Variants in RIC8A observed in about 807,000 individuals in gnomAD.
The protein encoded by RIC8A is chaperone Ric-8A.
A neutral mutation model predicts 48.4 loss-of-function variants in RIC8A; 37 were observed. That is an observed-to-expected ratio of 0.77 (90% CI 0.59 to 1.01). The LOEUF is 1.01. Ranked by LOEUF, RIC8A falls within the 50% of genes least tolerant of loss-of-function variation. The pLI is 0.00. For missense variants in RIC8A, 681 were observed against 696.8 expected (o/e 0.98, Z 0.25); for synonymous variants, 288 against 283.4 (o/e 1.02, Z -0.16).
chr11:211,074 C>A lies in RIC8A; in HGVS notation c.819-125C>A. 1 of 1,061,772 alleles carries A rather than the reference C, an allele frequency of 9.4e-7. No individual in the cohort carries two copies. The highest frequency in any genetic ancestry group is 1.4e-6 in the Non-Finnish European group (1 of 731,050). 65.8% of individuals were successfully genotyped at this position (1,061,772 alleles called of 1,614,324 possible). On this transcript the variant is annotated intron_variant, in intron 4 of 9. Transcript: ENST00000526104. The surrounding 1 kb of genome is among the most constrained non-coding windows in gnomAD (Gnocchi z 4.0). ...TCAGTCCCTGCCCTTGGCTTTGGTC[C>A]CTAGCGCTGCCCCTTTGGGACTCAG...
chr11:210,715 C>T (rs1023185665), intron 4 of RIC8A, 53 bp downstream of exon 4: 11 of 1,543,552 alleles, frequency 7.1e-6, no homozygotes, highest in Middle Eastern at 3.5e-4. Context: ...TCTAGATGGT[C>T]GTCCTCAACC....
rs1855238584 is a variant in RIC8A at position 208,329 on chromosome 11, C to A, written c.-526C>A. 6.5e-6 allele frequency: 1 copy of A among 152,928 alleles called. No homozygotes were observed. The highest frequency in any genetic ancestry group is 6.5e-5 in the Admixed American group (1 of 15,286). The allele number at this position is 152,928 out of a possible 1,614,324, so 9.5% of individuals were successfully genotyped here. On this transcript the variant is annotated 5_prime_UTR_variant, in exon 1 of 10. Coordinates refer to ENST00000526104, the MANE Select transcript of RIC8A (RefSeq NM_001286134.2). The surrounding 1 kb of genome is among the most constrained non-coding windows in gnomAD (Gnocchi z 4.8). ...GCACAGCCCTGTGACCGCCTCGTGT[C>A]CTTTTGTTTTTCCTTGTCCCCCTTC...
Position 211,216 on chromosome 11 carries a change from T to G in RIC8A, c.836T>G (p.Leu279Arg), listed in dbSNP as rs777907934. The change falls in exon 5 of 10, where the codon CTG (leucine) becomes CGG (arginine). Residue 279 changes from leucine (L) to arginine (R), a missense_variant. Transcript: ENST00000526104. This position sits in a 1 kb window ranked among gnomAD's most constrained non-coding sequence, Gnocchi z 4.0. Reference sequence around the variant, plus strand: ...GTCCCCAGCCACGCAGTGAACCTCCTGGGGAACTTGCCCCTCAAGTGTCTG... The same window carrying G: ...GTCCCCAGCCACGCAGTGAACCTCCGGGGGAACTTGCCCCTCAAGTGTCTG... ...EEFHGHAVNL[L>R]GNLPLKCLDV... 1 of 1,613,726 alleles carries G rather than the reference T, an allele frequency of 6.2e-7. No homozygotes were observed. The highest frequency in any genetic ancestry group is 8.5e-7 in the Non-Finnish European group (1 of 1,179,810).
Position 213,322 on chromosome 11 carries a change from TGGA to T in RIC8A, c.1384_1386del (p.Glu462del), listed in dbSNP as rs1192998346. Reference sequence around the variant, plus strand: ...AGCATAAACCCTGTGACCGGGAGGGTGGAGGAGAAGCCGCCTAACCCTATGGAG... The same window carrying T: ...AGCATAAACCCTGTGACCGGGAGGGTGGAGAAGCCGCCTAACCCTATGGAG... On this transcript the variant is annotated inframe_deletion, in exon 9 of 10. Coordinates refer to ENST00000526104, the MANE Select transcript of RIC8A (RefSeq NM_001286134.2). The T allele has an allele frequency of 3.1e-6, 5 of 1,613,362 alleles. No homozygotes were observed. Among genetic ancestry groups the T allele is most frequent in the Admixed American group, 1.7e-5 (1 of 59,934 alleles).
chr11:208,837 C>T lies in RIC8A; in HGVS notation c.-18C>T. ...GGAACGGCTGAGGAAGGGCCCGTCC[C>T]GCCTTCCCCGGCGCGCCATGGAGCC... On this transcript the variant is annotated 5_prime_UTR_variant, in exon 1 of 10. Transcript: ENST00000526104. The surrounding 1 kb of genome is among the most constrained non-coding windows in gnomAD (Gnocchi z 4.8). The T allele has an allele frequency of 6.2e-7, 1 of 1,601,742 alleles. No individual in the cohort carries two copies. The highest frequency in any genetic ancestry group is 8.5e-7 in the Non-Finnish European group (1 of 1,174,452).
chr11:213,693 C>T lies in RIC8A; in HGVS notation c.1475+275C>T, dbSNP rs982979398. The stretch of plus-strand genomic sequence containing the variant: ...GGCGTGGTAGCTCACGCCTATAATC[C>T]CAGCACTTTGGGAGACTGAGGCAGG... On this transcript the variant is annotated intron_variant, in intron 9 of 9. Transcript: ENST00000526104. The T allele has an allele frequency of 6.8e-5, 22 of 324,008 alleles. 2 individuals are homozygous for T. The South Asian group carries it at 7.5e-4, about 11-fold the overall frequency. The allele number at this position is 324,008 out of a possible 1,614,324, so 20.1% of individuals were successfully genotyped here.
intron 9 of RIC8A, among the ~76,000 whole-genome samples, chr11:213,945 CA>C (rs945541337): frequency 7.3e-4 from 99 of 136,008 alleles, no homozygotes; most frequent in Admixed American, 6.6e-4. Context: ...GACTTCGTCT[CA>C]AAAAAAAAAA....
At chr11:213,015 TCA>T in intron 8 of RIC8A, 34 bp downstream of exon 8, 1 of 1,527,154 alleles carries the variant, frequency 6.5e-7, no homozygotes. Flanking sequence ...GGGTCTCCAC[TCA>T]CAGCCCCATA....
Position 209,309 on chromosome 11 carries a change from G to A in RIC8A, c.123G>A (p.Glu41=). 1 of 1,613,506 alleles carries A rather than the reference G, an allele frequency of 6.2e-7. No individual in the cohort carries two copies. Among genetic ancestry groups the A allele is most frequent in the Non-Finnish European group, 8.5e-7 (1 of 1,179,576 alleles). Residue 41 remains glutamate (E), a synonymous_variant, in exon 2 of 10, where the codon GAG becomes GAA. Transcript: ENST00000526104. The part of the protein sequence containing the change: ...QSFTFDDAQQ[E]DRKRLAELLV... ...TCACGTTTGATGATGCCCAACAGGA[G>A]GACCGGAAGGTGGGTGCTGGCCCAA...
chr11:213,772 A>G (rs1969386), intron 9 of RIC8A: 228,648 of 232,016 alleles, frequency 0.99, 112,747 homozygotes, highest in East Asian at 1. Context: ...GTGAAACCCC[A>G]TCTCTGCTAA....
rs375013736 is a variant in RIC8A at position 208,916 on chromosome 11, C to T, written c.62C>T (p.Ala21Val). The T allele has an allele frequency of 2.9e-4, 475 of 1,610,492 alleles. 2 individuals carry two copies. Among genetic ancestry groups the T allele is most frequent in the Non-Finnish European group, 3.9e-4 (461 of 1,179,122 alleles). ...GGTGAGGAGGATGTGATTATGGAAG[C>T]TCTGCGGTCATACAACCAGGAGGTA... ...ETGEEDVIME[A>V]LRSYNQEHSQ... Residue 21 changes from alanine to valine, a missense_variant, in exon 1 of 10, where the codon GCT becomes GTT. Transcript: ENST00000526104. The surrounding 1 kb of genome is among the most constrained non-coding windows in gnomAD (Gnocchi z 4.8).
Position 209,727 on chromosome 11 carries a change from C to T in RIC8A, c.453C>T (p.Tyr151=), listed in dbSNP as rs1855298027. ...VVKLTERVGL[Y]RERSFPHDVQ... is the part of the protein sequence containing the mutation. ...AGCTCACAGAGCGTGTGGGGCTGTA[C>T]CGTGAGAGGAGCTTCCCCCACGATG... Residue 151 remains tyrosine (Y), a synonymous_variant, in exon 3 of 10, where the codon TAC becomes TAT. Transcript: ENST00000526104. 2.5e-6 allele frequency: 4 copies of T among 1,613,906 alleles called. No homozygotes were observed. Among genetic ancestry groups the T allele is most frequent in the African/African-American group, 2.7e-5 (2 of 74,946 alleles).
At chr11:212,145 T>C in intron 5 of RIC8A, 1 of 464,620 alleles carries the variant, frequency 2.2e-6, no homozygotes. Context: ...TTGAAGTAAT[T>C]AGACTTAAAG....
rs778458176 is a variant in RIC8A, at chr11:209,798, G to A, written c.524G>A (p.Arg175His). The change falls in exon 3 of 10, where the codon CGC (arginine) becomes CAC (histidine). Residue 175 changes from arginine (R) to histidine (H), a missense_variant. Arg to His is a conservative substitution (Grantham distance 29). Transcript: ENST00000526104. ...LRLLFLLTAL[R>H]TDVRQQLFQE... ...CTCCTCTTCCTGCTAACGGCACTCC[G>A]CACCGATGTGCGCCAGCAGCTGTTT... The A allele has an allele frequency of 1.9e-6, 3 of 1,614,014 alleles. No homozygotes were observed. The highest frequency in any genetic ancestry group is 1.1e-5 in the South Asian group (1 of 91,084).
Position 211,125 on chromosome 11 carries a change from C to A in RIC8A, c.819-74C>A. 1 of 1,485,744 alleles carries A rather than the reference C, an allele frequency of 6.7e-7. No homozygotes were observed. The highest frequency in any genetic ancestry group is 9.2e-7 in the Non-Finnish European group (1 of 1,089,648). The allele number at this position is 1,485,744 out of a possible 1,614,324, so 92.0% of individuals were successfully genotyped here. On this transcript the variant is annotated intron_variant, in intron 4 of 9. Transcript: ENST00000526104. This position sits in a 1 kb window ranked among gnomAD's most constrained non-coding sequence, Gnocchi z 4.0. Reference sequence around the variant, plus strand: ...ATGCCAGCTCATGTAATGTGTGGTTCAGCGGAGTCACAAAGATTGCACCTG... The same window carrying A: ...ATGCCAGCTCATGTAATGTGTGGTTAAGCGGAGTCACAAAGATTGCACCTG...
Position 214,251 on chromosome 11 carries a change from G to C in RIC8A, c.1497G>C (p.Met499Ile). The C allele has an allele frequency of 3.7e-6, 6 of 1,613,898 alleles. No individual in the cohort carries two copies. Among genetic ancestry groups the C allele is most frequent in the Non-Finnish European group, 5.1e-6 (6 of 1,179,920 alleles). The change falls in exon 10 of 10, where the codon ATG becomes ATC. Residue 499 changes from methionine to isoleucine, a missense_variant. Coordinates refer to ENST00000526104, the MANE Select transcript of RIC8A (RefSeq NM_001286134.2). ...KLSRNRVIQP[M>I]GMSPRGHLTS... ...ACAGGAACAGAGTCATCCAGCCAAT[G>C]GGGATGAGTCCCCGGGGTCATCTTA...
Position 212,729 on chromosome 11 carries a change from G to A in RIC8A, c.1180G>A (p.Glu394Lys). 6 of 1,614,054 alleles carry A rather than the reference G, an allele frequency of 3.7e-6. No homozygotes were observed. The highest frequency in any genetic ancestry group is 1.1e-5 in the South Asian group (1 of 91,082). ...LDTDVKRVAA[E>K]FLFVLCSESV... ...CACAGATGTGAAGAGGGTGGCTGCC[G>A]AGTTCTTGTTTGTCCTGTGCTCTGA... The change falls in exon 7 of 10, where the codon GAG becomes AAG. Residue 394 changes from glutamate (E) to lysine (K), a missense_variant. Glu to Lys is a moderately conservative substitution (Grantham distance 56). Transcript: ENST00000526104.
rs1401613856 is a variant in RIC8A, at chr11:211,347, A to G, written c.967A>G (p.Lys323Glu). 1 of 1,613,094 alleles carries G rather than the reference A, an allele frequency of 6.2e-7. No individual in the cohort carries two copies. Among genetic ancestry groups the G allele is most frequent in the African/African-American group, 1.3e-5 (1 of 74,862 alleles). Residue 323 changes from lysine to glutamate, a missense_variant and splice_region_variant, in exon 5 of 10, where the codon AAG becomes GAG. By Grantham distance (56) the Lys-to-Glu change is moderately conservative (BLOSUM62 1). Coordinates refer to ENST00000526104, the MANE Select transcript of RIC8A (RefSeq NM_001286134.2). This position sits in a 1 kb window ranked among gnomAD's most constrained non-coding sequence, Gnocchi z 4.0. ...LLIFLEKRLH[K>E]THRLKESVAP... ...CATCTTCCTAGAGAAGCGTTTGCAC[A>G]AGGTAGGCTGGGGATGGCTGTGCAG...
intron 3 of RIC8A, chr11:210,261 C>T (rs1283671875): frequency 9.0e-6 from 6 of 670,050 alleles, no homozygotes; most frequent in African/African-American, 8.8e-5. Flanking sequence ...GTAAGAGATC[C>T]TCCACCATGA....
Sources: gnomAD v4.1 joint callset for allele counts (sites outside exome capture counted in the v4.1 genomes callset) on GRCh38, gnomAD v4.1.1 for gene constraint, Gnocchi (gnomAD v3.1) non-coding constraint, MANE v1.5 for transcripts, NCBI Gene and HGNC (gene_info 2026-07-23, HGNC 2026-07-21) for gene names.